KL: variants seen among roughly 807,000 people sequenced by gnomAD.
The protein encoded by KL is klotho, also known as alpha-klotho.
KL carries 62 observed loss-of-function variants against 84.2 expected under a neutral mutation model. The ratio of observed to expected loss-of-function variants is 0.74; its 90% CI spans 0.60 to 0.91. The LOEUF (loss-of-function observed/expected upper bound fraction) is 0.91, where lower values mean the gene tolerates loss of function less well. KL is among the 40% of genes least tolerant of loss of function. The probability of loss-of-function intolerance (pLI) is 0.00; values close to 1 mark genes in which losing one functional copy is unlikely to be tolerated. For missense variants in KL, 1,261 were observed against 1,305.7 expected, an observed-to-expected ratio of 0.97 and a Z score of 0.53; for synonymous variants, 528 against 528.0, an observed-to-expected ratio of 1.00 and a Z score of 0.00.
At position 33,016,472 on chromosome 13, in the gene KL, G is replaced by GGCC. The variant is rs1050352800; in HGVS notation, c.43_45dup (p.Pro15dup). On this transcript the variant is annotated inframe_insertion, in exon 1 of 5. Transcript: ENST00000380099. Reference sequence around the variant, plus strand: ...GCCAGCGCCCCGCCGCGCCGCCCGCGGCCGCCGCCGCCGTCGCTGTCGCTG... The same window carrying GGCC: ...GCCAGCGCCCCGCCGCGCCGCCCGCGGCCGCCGCCGCCGCCGTCGCTGTCGCTG... 35 of 1,062,538 alleles carry GGCC rather than the reference G, an allele frequency of 3.3e-5. No individual in the cohort carries two copies. The highest frequency in any genetic ancestry group is 4.2e-4 in the Middle Eastern group (1 of 2,390). 65.8% of individuals were successfully genotyped at this position (1,062,538 alleles called of 1,614,324 possible).
At chr13:33,060,625 ATTAC>A (rs1381766160) in intron 3 of KL, 50 bp from the exon 4 acceptor site, 2 of 1,608,168 alleles carry the variant, frequency 1.2e-6, no homozygotes, top group African/African-American at 2.7e-5. Context: ...ATTGCTTTGA[ATTAC>A]TTCCTCAGGA....
At chr13:33,059,881 T>A (rs540084177) in intron 3 of KL, among the ~76,000 whole-genome samples, 1 of 152,366 alleles carries the variant, frequency 6.6e-6, no homozygotes, top group East Asian at 1.9e-4. Flanking sequence ...CCTCTACCTA[T>A]AGCAAACCTC....
intron 1 of KL, among the ~76,000 whole-genome samples, chr13:33,035,112 G>C (rs933306239): frequency 6.6e-6 from 1 of 152,168 alleles, no homozygotes; most frequent in Non-Finnish European, 1.5e-5. Context: ...AGAGCAGGCC[G>C]ATGACTTTCC....
At chr13:33,030,207 A>G (rs1419121432) in intron 1 of KL, among the ~76,000 whole-genome samples, 1 of 152,166 alleles carries the variant, frequency 6.6e-6, no homozygotes, top group African/African-American at 2.4e-5. Flanking sequence ...GACCTCTTAA[A>G]GGTCTCGCTT....
At chr13:33,026,446 TG>T (rs56064101) in intron 1 of KL, among the ~76,000 whole-genome samples, 3 of 151,194 alleles carry the variant, frequency 2.0e-5, no homozygotes, top group African/African-American at 4.9e-5. Context: ...AAGAATGGGG[TG>T]GGGGGGTCAT....
intron 1 of KL, among the ~76,000 whole-genome samples, chr13:33,026,462 CT>C (rs1344141853): frequency 6.6e-6 from 1 of 151,884 alleles, no homozygotes; most frequent in Non-Finnish European, 1.5e-5. Context: ...GGTCATACCT[CT>C]GTGTTATTGC....
chr13:33,050,069 G>A (rs1035156060), intron 1 of KL, among the ~76,000 whole-genome samples: 4 of 152,072 alleles, frequency 2.6e-5, no homozygotes, highest in African/African-American at 7.2e-5. Flanking sequence ...CTGAATAATG[G>A]TATTTCTTTA....
At chr13:33,019,802 A>AGG (rs1870509149) in intron 1 of KL, among the ~76,000 whole-genome samples, 1 of 151,282 alleles carries the variant, frequency 6.6e-6, no homozygotes, top group Non-Finnish European at 1.5e-5. Flanking sequence ...GGAGGGACAG[A>AGG]GAGAGAGAGG....
Position 33,060,678 on chromosome 13 carries a change from G to C in KL, c.1600-1G>C. On this transcript the variant is annotated splice_acceptor_variant, in intron 3 of 4. Coordinates refer to ENST00000380099, the MANE Select transcript of KL (RefSeq NM_004795.4). LOFTEE classifies it high-confidence loss of function. Reference sequence around the variant, plus strand: ...GCTAATGTTTACTCTGCCCTTCACAGGTAGATACCACTCTGTCTCAGTTTA... The same window carrying C: ...GCTAATGTTTACTCTGCCCTTCACACGTAGATACCACTCTGTCTCAGTTTA... The C allele has an allele frequency of 6.2e-7, 1 of 1,614,158 alleles. No homozygotes were observed. Among genetic ancestry groups the C allele is most frequent in the Non-Finnish European group, 8.5e-7 (1 of 1,180,028 alleles).
At chr13:33,042,343 AG>A (rs1871368164) in intron 1 of KL, among the ~76,000 whole-genome samples, 3 of 152,208 alleles carry the variant, frequency 2.0e-5, no homozygotes, top group Non-Finnish European at 4.4e-5. Context: ...GTAAAGATAT[AG>A]AATATTCTCA....
chr13:33,040,310 A>G (rs901637323), intron 1 of KL, among the ~76,000 whole-genome samples: 4 of 152,226 alleles, frequency 2.6e-5, no homozygotes, highest in African/African-American at 9.6e-5. Context: ...TAAACACCAC[A>G]CAGTAGCAGT....
At chr13:33,037,093 GA>G (rs1871167053) in intron 1 of KL, among the ~76,000 whole-genome samples, 1 of 152,096 alleles carries the variant, frequency 6.6e-6, no homozygotes. Flanking sequence ...CTTAATATAG[GA>G]ATCATATATC....
chr13:33,051,292 G>A (rs1239612171), intron 1 of KL, among the ~76,000 whole-genome samples: 1 of 152,122 alleles, frequency 6.6e-6, no homozygotes, highest in African/African-American at 2.4e-5. Flanking sequence ...TCAGCACTTT[G>A]GGAGGCTGAG....
rs114428551 is a variant in KL, at chr13:33,033,272, A to T, written c.819+16013A>T. Reference sequence around the variant, plus strand: ...TGCTACTCAGTGAGAAATACGGGAGATGGGAGAGTGAAAAACCATGTCATT... The same window carrying T: ...TGCTACTCAGTGAGAAATACGGGAGTTGGGAGAGTGAAAAACCATGTCATT... On this transcript the variant is annotated intron_variant, in intron 1 of 4. Transcript: ENST00000380099. 2.2e-3 allele frequency among the ~76,000 whole-genome samples: 328 copies of T among 152,268 alleles called. 1 individual carries two copies. The highest frequency in any genetic ancestry group is 7.2e-3 in the African/African-American group (299 of 41,546).
intron 3 of KL, among the ~76,000 whole-genome samples, chr13:33,058,465 T>C (rs1207912364): frequency 6.6e-6 from 1 of 151,820 alleles, no homozygotes; most frequent in African/African-American, 2.4e-5. Flanking sequence ...CTCAGCCTCC[T>C]GAGTAGCTGG....
chr13:33,065,920 T>A lies in KL; in HGVS notation c.*1734T>A, dbSNP rs922837324. On this transcript the variant is annotated 3_prime_UTR_variant, in exon 5 of 5. Coordinates refer to ENST00000380099, the MANE Select transcript of KL (RefSeq NM_004795.4). ...ATTATTAGTCTTCAAAAGCATGATTTTTAATAGTTGTTGAGTATTCCACCA... is the reference window on the plus strand; with the variant it reads ...ATTATTAGTCTTCAAAAGCATGATTATTAATAGTTGTTGAGTATTCCACCA... The A allele has an allele frequency of 5.7e-6, 1 of 176,416 alleles. No homozygotes were observed. Among genetic ancestry groups the A allele is most frequent in the Non-Finnish European group, 1.2e-5 (1 of 81,890 alleles). 10.9% of individuals were successfully genotyped at this position (176,416 alleles called of 1,614,324 possible). A position where few individuals can be genotyped will look rare whatever the true frequency, so the allele number is the denominator to read the frequency against.
chr13:33,065,838 T>G lies in KL; in HGVS notation c.*1652T>G, dbSNP rs1421859995. 1 of 174,026 alleles carries G rather than the reference T, an allele frequency of 5.7e-6. No individual in the cohort carries two copies. The highest frequency in any genetic ancestry group is 2.4e-5 in the African/African-American group (1 of 42,178). The allele number at this position is 174,026 out of a possible 1,614,324, so 10.8% of individuals were successfully genotyped here. ...TCCTACGTATTTTATTTTACATAGATCATATTGTATATAGTTAGTATCTTT... is the reference window on the plus strand; with the variant it reads ...TCCTACGTATTTTATTTTACATAGAGCATATTGTATATAGTTAGTATCTTT... On this transcript the variant is annotated 3_prime_UTR_variant, in exon 5 of 5. Coordinates refer to ENST00000380099, the MANE Select transcript of KL (RefSeq NM_004795.4).
chr13:33,052,050 G>T (rs1420170200), intron 1 of KL, among the ~76,000 whole-genome samples: 1 of 152,154 alleles, frequency 6.6e-6, no homozygotes, highest in Admixed American at 6.6e-5. Flanking sequence ...TCCATCTCCT[G>T]GGCTCAAGTG....
Position 33,016,705 on chromosome 13 carries a change from A to C in KL, c.265A>C (p.Ile89Leu), listed in dbSNP as rs1201962505. Residue 89 changes from isoleucine to leucine, a missense_variant, in exon 1 of 5, where the codon ATC becomes CTC. Transcript: ENST00000380099. ...GWQQHGKGASIWDTFTHHPLA... is the reference protein window; with the variant it reads ...GWQQHGKGASLWDTFTHHPLA... ...GCAGCAGCACGGCAAGGGTGCGTCC[A>C]TCTGGGATACGTTCACCCACCACCC... The C allele has an allele frequency of 5.0e-6, 8 of 1,609,572 alleles. No homozygotes were observed. The highest frequency in any genetic ancestry group is 1.6e-4 in the Middle Eastern group (1 of 6,078).
Sources: gnomAD v4.1 joint callset for allele counts (sites outside exome capture counted in the v4.1 genomes callset) on GRCh38, gnomAD v4.1.1 for gene constraint, MANE v1.5 for transcripts, NCBI Gene and HGNC (gene_info 2026-07-23, HGNC 2026-07-21) for gene names.